The following GPC5 variants were observed in gnomAD, a reference collection of about 807,000 sequenced individuals.
GPC5 encodes the protein glypican 5.
Under a neutral mutation model 53.9 loss-of-function variants are expected in GPC5, and 47 were observed. That is an observed-to-expected ratio of 0.87 (90% CI 0.69 to 1.11). The LOEUF is 1.11. Ranked by LOEUF, GPC5 falls within the 50% of genes most tolerant of loss-of-function variation. The pLI is 0.00. For missense variants in GPC5, 748 were observed against 713.1 expected (o/e 1.05, Z -0.56); for synonymous variants, 286 against 263.3 (o/e 1.09, Z -0.84).
intron 5 of GPC5, among the ~76,000 whole-genome samples, chr13:91,880,924 G>T (rs1342002143): frequency 1.3e-5 from 2 of 152,056 alleles, no homozygotes; most frequent in African/African-American, 2.4e-5. Flanking sequence ...TCCAGTGGCT[G>T]GAATTACAGG....
In GPC5 at chr13:91,876,854, C is replaced by T. The variant is rs1182902183; in HGVS notation, c.1281-31083C>T. ...ACAGCAGCCCCTCCCATCACAGGCC[C>T]AGAAGGCCCCAGAGGAAAAAGTAGT... On this transcript the variant is annotated intron_variant, in intron 5 of 7. Transcript: ENST00000377067. Among the ~76,000 whole-genome samples the T allele has an allele frequency of 5.9e-5, 9 of 152,284 alleles. No individual in the cohort carries two copies. The East Asian group carries it at 1.7e-3, about 29-fold the overall frequency.
intron 5 of GPC5, among the ~76,000 whole-genome samples, chr13:91,872,314 C>T (rs1029012423): frequency 3.3e-5 from 5 of 152,062 alleles, no homozygotes; most frequent in African/African-American, 1.2e-4. Flanking sequence ...TAAGAATTTC[C>T]ACAATCAGGG....
At chr13:91,802,020 A>C (rs1171331660) in intron 5 of GPC5, among the ~76,000 whole-genome samples, 1 of 151,194 alleles carries the variant, frequency 6.6e-6, no homozygotes, top group Non-Finnish European at 1.5e-5. Flanking sequence ...TAAGCATTCA[A>C]TCACAGAACT....
At chr13:92,530,906 G>T (rs2138987050) in intron 7 of GPC5, among the ~76,000 whole-genome samples, 2 of 152,236 alleles carry the variant, frequency 1.3e-5, no homozygotes, top group East Asian at 3.9e-4. Context: ...TCTCCATATA[G>T]ATTCCCAAGT....
intron 6 of GPC5, among the ~76,000 whole-genome samples, chr13:92,098,189 C>G (rs917611234): frequency 1.1e-4 from 16 of 152,058 alleles, no homozygotes; most frequent in African/African-American, 3.9e-4. Context: ...GCTCCAGTGT[C>G]CCATTGGTCC....
chr13:92,347,566 T>C (rs9584023), intron 7 of GPC5, among the ~76,000 whole-genome samples: 55,972 of 151,164 alleles, frequency 0.37, 10,479 homozygotes, highest in Middle Eastern at 0.5. Context: ...AACAAAAAGC[T>C]ACAAATTAAT....
chr13:92,765,653 A>G (rs1007193976), intron 7 of GPC5, among the ~76,000 whole-genome samples: 1 of 152,140 alleles, frequency 6.6e-6, no homozygotes, highest in East Asian at 1.9e-4. Context: ...TAGAAATGCA[A>G]ATTCTCAGGC....
At chr13:91,853,581 A>G (rs1489799548) in intron 5 of GPC5, among the ~76,000 whole-genome samples, 35 of 151,932 alleles carry the variant, frequency 2.3e-4, no homozygotes, top group Admixed American at 2.0e-3. Flanking sequence ...AATTTAACCA[A>G]CTTCTAGAAA....
At chr13:92,736,766 A>C (rs1333364668) in intron 7 of GPC5, among the ~76,000 whole-genome samples, 1 of 151,802 alleles carries the variant, frequency 6.6e-6, no homozygotes, top group Non-Finnish European at 1.5e-5. Flanking sequence ...TTAAATGAGA[A>C]CAGGGTGTTT....
intron 5 of GPC5, among the ~76,000 whole-genome samples, chr13:91,889,386 T>C (rs963278447): frequency 1.3e-5 from 2 of 152,218 alleles, no homozygotes; most frequent in Non-Finnish European, 1.5e-5. Context: ...TCCTACTAGA[T>C]TAGTCTGCAT....
intron 7 of GPC5, among the ~76,000 whole-genome samples, chr13:92,328,740 C>T (rs942674874): frequency 6.6e-6 from 1 of 152,144 alleles, no homozygotes; most frequent in African/African-American, 2.4e-5. Flanking sequence ...AAGTTCCACA[C>T]TTCAGGGTGT....
At chr13:92,175,645 G>A (rs1164059566) in intron 7 of GPC5, among the ~76,000 whole-genome samples, 2 of 151,548 alleles carry the variant, frequency 1.3e-5, no homozygotes, top group African/African-American at 2.4e-5. Context: ...GTTTAGAAAA[G>A]TCACTTAAAA....
rs148771284 is a variant in GPC5, at chr13:91,481,786, G to A, written c.325+32864G>A. 3.7e-4 allele frequency among the ~76,000 whole-genome samples: 56 copies of A among 152,246 alleles called. 1 individual carries two copies. In the East Asian group the frequency reaches 9.5e-3, roughly 26 times the overall value. The stretch of plus-strand genomic sequence containing the variant: ...TCTCATCCAGCATTGGAACCAAGTA[G>A]CAAACTGAAAGATGATACCTGTGGA... On this transcript the variant is annotated intron_variant, in intron 2 of 7. Transcript: ENST00000377067.
At chr13:92,498,740 A>T (rs1013259000) in intron 7 of GPC5, among the ~76,000 whole-genome samples, 7 of 152,086 alleles carry the variant, frequency 4.6e-5, no homozygotes, top group African/African-American at 1.7e-4. Context: ...GTGCTCTTTC[A>T]TCTATATGGG....
intron 3 of GPC5, among the ~76,000 whole-genome samples, chr13:91,720,231 A>T (rs1308785436): frequency 6.6e-6 from 1 of 151,982 alleles, no homozygotes; most frequent in Non-Finnish European, 1.5e-5. Context: ...ATTTATCTTT[A>T]TCTCTTGCAC....
At chr13:92,113,387 G>C (rs1306032188) in intron 6 of GPC5, among the ~76,000 whole-genome samples, 1 of 152,008 alleles carries the variant, frequency 6.6e-6, no homozygotes, top group Non-Finnish European at 1.5e-5. Context: ...ATTCTCTAAA[G>C]AATATATATT....
At chr13:92,559,186 G>T (rs1383241072) in intron 7 of GPC5, among the ~76,000 whole-genome samples, 2 of 151,908 alleles carry the variant, frequency 1.3e-5, no homozygotes, top group East Asian at 3.9e-4. Flanking sequence ...ATGTCTTTAA[G>T]GAGGTGGAGA....
chr13:91,672,856 G>A (rs1205673913), intron 2 of GPC5, among the ~76,000 whole-genome samples: 15 of 152,166 alleles, frequency 9.9e-5, no homozygotes, highest in African/African-American at 3.6e-4. Flanking sequence ...TGAGAGCACG[G>A]ATAAGGCAAG....
intron 7 of GPC5, among the ~76,000 whole-genome samples, chr13:92,469,548 G>C (rs905351577): frequency 6.6e-6 from 1 of 151,800 alleles, no homozygotes; most frequent in Non-Finnish European, 1.5e-5. Context: ...TTACTTTATG[G>C]GGCTCTACTT....
Sources: gnomAD v4.1 joint callset for allele counts (sites outside exome capture counted in the v4.1 genomes callset) on GRCh38, gnomAD v4.1.1 for gene constraint, MANE v1.5 for transcripts, NCBI Gene and HGNC (gene_info 2026-07-23, HGNC 2026-07-21) for gene names.